KCNK13: variants seen among roughly 807,000 people sequenced by gnomAD.
The protein encoded by KCNK13 is potassium two pore domain channel subfamily K member 13.
Under a neutral mutation model 23.4 loss-of-function variants are expected in KCNK13, and 12 were observed. The observed-to-expected ratio is 0.51, with a 90% CI of 0.33 to 0.83. The LOEUF is 0.83. Ranked by LOEUF, KCNK13 falls within the 40% of genes least tolerant of loss-of-function variation. The pLI is 0.02. For synonymous variants in KCNK13, 231 were observed against 229.5 expected, an observed-to-expected ratio of 1.01 and a Z score of -0.06; for missense variants, 463 against 556.3, an observed-to-expected ratio of 0.83 and a Z score of 1.69.
chr14:90,083,041 T>C lies in KCNK13; in HGVS notation c.334+20502T>C, dbSNP rs1042145290. 3.3e-5 allele frequency among the ~76,000 whole-genome samples: 5 copies of C among 152,252 alleles called. No individual in the cohort carries two copies. The South Asian group carries it at 8.3e-4, about 25-fold the overall frequency. ...GATACTGAGCATTTTTGTGTGTTTATTGGCCATTTGTATACTATCTTAAAA... is the reference window on the plus strand; with the variant it reads ...GATACTGAGCATTTTTGTGTGTTTACTGGCCATTTGTATACTATCTTAAAA... On this transcript the variant is annotated intron_variant, in intron 1 of 1. Transcript: ENST00000282146.
intron 1 of KCNK13, among the ~76,000 whole-genome samples, chr14:90,155,208 G>A (rs1890180254): frequency 6.6e-6 from 1 of 152,182 alleles, no homozygotes; most frequent in South Asian, 2.1e-4. Flanking sequence ...AGAGGTGAAA[G>A]GATGAGGCTT....
chr14:90,143,903 C>G (rs1026674308), intron 1 of KCNK13, among the ~76,000 whole-genome samples: 3 of 152,204 alleles, frequency 2.0e-5, no homozygotes, highest in African/African-American at 7.2e-5. Flanking sequence ...GTCACAAAGG[C>G]AAATTCCTAT....
At chr14:90,087,129 C>CAT (rs141670518) in intron 1 of KCNK13, among the ~76,000 whole-genome samples, 4,305 of 124,424 alleles carry the variant, frequency 0.035, 112 homozygotes, top group Non-Finnish European at 0.049. Context: ...TATATATATA[C>CAT]ATATATATAT....
intron 1 of KCNK13, among the ~76,000 whole-genome samples, chr14:90,182,078 A>G (rs1363158435): frequency 6.6e-6 from 1 of 152,164 alleles, no homozygotes. Context: ...CAATGGAACT[A>G]TTCCCTGTCC....
chr14:90,168,378 A>G (rs1291050217), intron 1 of KCNK13, among the ~76,000 whole-genome samples: 1 of 152,060 alleles, frequency 6.6e-6, no homozygotes, highest in Non-Finnish European at 1.5e-5. Flanking sequence ...TCAAAAAAAA[A>G]AAAGTGAGGG....
At chr14:90,086,639 C>T (rs781613362) in intron 1 of KCNK13, among the ~76,000 whole-genome samples, 39 of 152,114 alleles carry the variant, frequency 2.6e-4, no homozygotes, top group South Asian at 6.2e-4. Flanking sequence ...CTAAGGAAGA[C>T]GTCTGGGGGT....
At chr14:90,141,216 A>G (rs1213651696) in intron 1 of KCNK13, among the ~76,000 whole-genome samples, 5 of 152,222 alleles carry the variant, frequency 3.3e-5, no homozygotes, top group Non-Finnish European at 7.3e-5. Context: ...CACACAAGAA[A>G]GTGGCGTCAC....
intron 1 of KCNK13, among the ~76,000 whole-genome samples, chr14:90,142,011 TCTG>T (rs1890013754): frequency 6.6e-6 from 1 of 151,318 alleles, no homozygotes; most frequent in African/African-American, 2.4e-5. Flanking sequence ...ATGGTTTTGA[TCTG>T]CTGACCTCAT....
At chr14:90,125,956 T>C (rs1018384116) in intron 1 of KCNK13, among the ~76,000 whole-genome samples, 1 of 151,108 alleles carries the variant, frequency 6.6e-6, no homozygotes, top group Non-Finnish European at 1.5e-5. Context: ...CCTGGGGAGG[T>C]TGAGGTTGCA....
At chr14:90,094,507 C>T (rs1336218768) in intron 1 of KCNK13, among the ~76,000 whole-genome samples, 3 of 152,174 alleles carry the variant, frequency 2.0e-5, no homozygotes, top group East Asian at 3.8e-4. Flanking sequence ...TCCTAGCTCA[C>T]ATCAACTCAA....
intron 1 of KCNK13, among the ~76,000 whole-genome samples, chr14:90,148,532 A>C (rs1361357476): frequency 6.6e-6 from 1 of 152,190 alleles, no homozygotes; most frequent in African/African-American, 2.4e-5. Context: ...TGGCCATTGA[A>C]CTAGGCCTTG....
At chr14:90,075,055 T>C (rs1889118808) in intron 1 of KCNK13, among the ~76,000 whole-genome samples, 1 of 152,160 alleles carries the variant, frequency 6.6e-6, no homozygotes, top group South Asian at 2.1e-4. Flanking sequence ...ATTTTATCTT[T>C]GTAGGGAAAT....
chr14:90,115,012 G>A (rs954229893), intron 1 of KCNK13, among the ~76,000 whole-genome samples: 1 of 152,132 alleles, frequency 6.6e-6, no homozygotes, highest in African/African-American at 2.4e-5. Flanking sequence ...TCTCTTGTTT[G>A]CATTTAAATC....
At chr14:90,080,724 C>T (rs1207667623) in intron 1 of KCNK13, among the ~76,000 whole-genome samples, 2 of 152,156 alleles carry the variant, frequency 1.3e-5, no homozygotes, top group Admixed American at 6.5e-5. Flanking sequence ...TTAGGATACT[C>T]CTCACCCTAG....
At chr14:90,088,025 C>T (rs987201433) in intron 1 of KCNK13, among the ~76,000 whole-genome samples, 1 of 152,040 alleles carries the variant, frequency 6.6e-6, no homozygotes. Flanking sequence ...ATTTTTGAGA[C>T]AGAGTCTCGC....
intron 1 of KCNK13, among the ~76,000 whole-genome samples, chr14:90,174,482 C>T (rs566855791): frequency 6.6e-6 from 1 of 152,138 alleles, no homozygotes; most frequent in Non-Finnish European, 1.5e-5. Context: ...GGTGGGGACT[C>T]AGAGCCAAAC....
intron 1 of KCNK13, among the ~76,000 whole-genome samples, chr14:90,085,954 T>C (rs1443950409): frequency 6.7e-6 from 1 of 149,782 alleles, no homozygotes; most frequent in Non-Finnish European, 1.5e-5. Flanking sequence ...ATCAGGATAA[T>C]ACTATAGATC....
intron 1 of KCNK13, among the ~76,000 whole-genome samples, chr14:90,139,741 C>T (rs777059949): frequency 4.6e-5 from 7 of 152,082 alleles, no homozygotes; most frequent in African/African-American, 7.2e-5. Context: ...GCAGGTGGAT[C>T]GCTTGAGCCC....
chr14:90,145,782 G>C (rs1342873589), intron 1 of KCNK13, among the ~76,000 whole-genome samples: 1 of 152,012 alleles, frequency 6.6e-6, no homozygotes, highest in Non-Finnish European at 1.5e-5. Context: ...CTGGAGGACT[G>C]CTTGAGCCAA....
Sources: allele counts gnomAD v4.1 joint callset (sites outside exome capture counted in the v4.1 genomes callset), GRCh38; gene constraint gnomAD v4.1.1; transcripts MANE v1.5; gene names NCBI Gene and HGNC (gene_info 2026-07-23, HGNC 2026-07-21).